Variants in ZC2HC1A observed in about 807,000 individuals in gnomAD.
The protein encoded by ZC2HC1A is zinc finger C2HC domain-containing protein 1A.
ZC2HC1A carries 28 observed loss-of-function variants against 40.7 expected under a neutral mutation model. The observed-to-expected ratio is 0.69, with a 90% CI of 0.51 to 0.94. The LOEUF is 0.94. Ranked by LOEUF, ZC2HC1A falls within the 40% of genes least tolerant of loss-of-function variation. ZC2HC1A has a pLI of 0.00. For synonymous variants in ZC2HC1A, 129 were observed against 129.2 expected (o/e 1.00, Z 0.01); for missense variants, 389 against 386.3 (o/e 1.01, Z -0.06).
At chr8:78,703,133 G>A (rs1028932782) in intron 7 of ZC2HC1A, among the ~76,000 whole-genome samples, 6 of 152,132 alleles carry the variant, frequency 3.9e-5, no homozygotes, top group African/African-American at 1.4e-4. Context: ...CTAACCTCAG[G>A]TCATCTGCCT....
chr8:78,674,100 A>G (rs920442167), intron 1 of ZC2HC1A, among the ~76,000 whole-genome samples: 3 of 152,078 alleles, frequency 2.0e-5, no homozygotes, highest in Admixed American at 6.6e-5. Context: ...TCTTAGATCT[A>G]TTTAATAAGT....
At chr8:78,687,289 G>A (rs1810014957) in intron 4 of ZC2HC1A, among the ~76,000 whole-genome samples, 1 of 151,324 alleles carries the variant, frequency 6.6e-6, no homozygotes, top group Admixed American at 6.6e-5. Context: ...CTCTAGATTG[G>A]GATTTATTTT....
intron 1 of ZC2HC1A, among the ~76,000 whole-genome samples, chr8:78,673,012 A>G (rs920053060): frequency 1.2e-4 from 18 of 151,948 alleles, no homozygotes; most frequent in Non-Finnish European, 2.5e-4. Flanking sequence ...CCTGTCATCT[A>G]GGTTTTAAGC....
intron 7 of ZC2HC1A, among the ~76,000 whole-genome samples, chr8:78,704,387 C>CAAA (rs1307275741): frequency 3.7e-4 from 24 of 65,246 alleles, no homozygotes; most frequent in Non-Finnish European, 4.2e-4. Context: ...GACTCCATCT[C>CAAA]AAAAAAAAAA....
chr8:78,675,895 T>G (rs746696350), intron 2 of ZC2HC1A, 32 bp downstream of exon 2: 8 of 1,558,878 alleles, frequency 5.1e-6, no homozygotes, highest in Non-Finnish European at 4.4e-6. Flanking sequence ...CTTTATGGTT[T>G]TACAGATCTG....
At chr8:78,690,321 A>G (rs962422351) in intron 5 of ZC2HC1A, among the ~76,000 whole-genome samples, 1 of 152,162 alleles carries the variant, frequency 6.6e-6, no homozygotes, top group Non-Finnish European at 1.5e-5. Context: ...GCACTTTGGG[A>G]GGCCAAGGCG....
chr8:78,680,652 A>G (rs1189139849), intron 3 of ZC2HC1A, among the ~76,000 whole-genome samples: 2 of 152,214 alleles, frequency 1.3e-5, no homozygotes, highest in African/African-American at 2.4e-5. Context: ...AGGTAGGCAT[A>G]ATTCATAGAT....
At chr8:78,710,129 G>A (rs537703623) in intron 7 of ZC2HC1A, among the ~76,000 whole-genome samples, 3 of 152,186 alleles carry the variant, frequency 2.0e-5, no homozygotes, top group East Asian at 1.9e-4. Context: ...GAAGGCCTGT[G>A]AAAGTATTAT....
intron 4 of ZC2HC1A, among the ~76,000 whole-genome samples, chr8:78,688,064 A>G (rs1810084124): frequency 6.6e-6 from 1 of 150,540 alleles, no homozygotes; most frequent in Non-Finnish European, 1.5e-5. Context: ...GGCAGGCTGG[A>G]TTTGGCCCAT....
At chr8:78,706,806 T>A (rs1259312393) in intron 7 of ZC2HC1A, among the ~76,000 whole-genome samples, 1 of 152,288 alleles carries the variant, frequency 6.6e-6, no homozygotes, top group African/African-American at 2.4e-5. Flanking sequence ...GTAACTACAT[T>A]TTGCTTCTCA....
intron 5 of ZC2HC1A, among the ~76,000 whole-genome samples, chr8:78,690,194 A>C (rs1182860580): frequency 6.6e-6 from 1 of 152,002 alleles, no homozygotes; most frequent in Non-Finnish European, 1.5e-5. Context: ...CATTATCACT[A>C]TACTGAATAG....
intron 5 of ZC2HC1A, among the ~76,000 whole-genome samples, chr8:78,691,950 G>C (rs568919457): frequency 6.6e-6 from 1 of 152,218 alleles, no homozygotes; most frequent in African/African-American, 2.4e-5. Flanking sequence ...GGTACAAAGT[G>C]ATACCATGAT....
rs867344586 is a variant in ZC2HC1A at position 78,675,773 on chromosome 8, C to T, written c.17-14C>T. The T allele has an allele frequency of 3.8e-6, 6 of 1,584,306 alleles. No homozygotes were observed. Among genetic ancestry groups the T allele is most frequent in the Admixed American group, 1.7e-5 (1 of 57,416 alleles). On this transcript the variant is annotated splice_polypyrimidine_tract_variant and intron_variant, in intron 1 of 8. Coordinates refer to ENST00000263849, the MANE Select transcript of ZC2HC1A (RefSeq NM_016010.3). ...AGTTATATAAATTATTTATTAAATT[C>T]CTTCCTGTTTTAGAGAATGGAGGTG...
At chr8:78,714,001 ACT>A (rs778305975) in intron 7 of ZC2HC1A, among the ~76,000 whole-genome samples, 1 of 152,096 alleles carries the variant, frequency 6.6e-6, no homozygotes, top group Non-Finnish European at 1.5e-5. Context: ...ATTTTAGGGT[ACT>A]CTCTCCTACT....
chr8:78,669,422 G>A (rs1809381677), intron 1 of ZC2HC1A, among the ~76,000 whole-genome samples: 1 of 152,194 alleles, frequency 6.6e-6, no homozygotes. Flanking sequence ...CTCTCAGTGT[G>A]TGTTTGTTAG....
At chr8:78,697,330 G>T in intron 5 of ZC2HC1A, 77 bp from the exon 6 acceptor site, 2 of 1,180,672 alleles carry the variant, frequency 1.7e-6, no homozygotes, top group East Asian at 2.6e-5. Context: ...CCCAAAGAAT[G>T]TTAAGTTTTG....
chr8:78,675,349 C>A (rs1422210858), intron 1 of ZC2HC1A, among the ~76,000 whole-genome samples: 1 of 151,762 alleles, frequency 6.6e-6, no homozygotes, highest in Non-Finnish European at 1.5e-5. Context: ...GAGTAAGATT[C>A]GTTTTATTCT....
At chr8:78,700,629 A>G (rs1586016163) in intron 7 of ZC2HC1A, among the ~76,000 whole-genome samples, 1 of 152,094 alleles carries the variant, frequency 6.6e-6, no homozygotes, top group Non-Finnish European at 1.5e-5. Context: ...CAGGGTTTTT[A>G]TAGTTTTTGG....
Position 78,686,581 on chromosome 8 carries a change from C to T in ZC2HC1A, c.325C>T (p.Pro109Ser), listed in dbSNP as rs770664830. 1.3e-6 allele frequency: 2 copies of T among 1,532,892 alleles called. No individual in the cohort carries two copies. The highest frequency in any genetic ancestry group is 2.7e-5 in the South Asian group (2 of 74,624). The allele number at this position is 1,532,892 out of a possible 1,614,324, so 95.0% of individuals were successfully genotyped here. A position where few individuals can be genotyped will look rare whatever the true frequency, so the allele number is the denominator to read the frequency against. The change falls in exon 4 of 9, where the codon CCT becomes TCT. Residue 109 changes from proline to serine, a missense_variant. By Grantham distance (74) the Pro-to-Ser change is moderately conservative. Coordinates refer to ENST00000263849, the MANE Select transcript of ZC2HC1A (RefSeq NM_016010.3). ...CCTCAAAGAGGGTGGCAAACTTCCT[C>T]CTCCTCCTCCACCTTCTTATGATCC... ...QALKEGGKLPPPPPPSYDPDY... is the reference protein window; with the variant it reads ...QALKEGGKLPSPPPPSYDPDY...
Sources: allele counts gnomAD v4.1 joint callset (sites outside exome capture counted in the v4.1 genomes callset), GRCh38; gene constraint gnomAD v4.1.1; transcripts MANE v1.5; gene names NCBI Gene and HGNC (gene_info 2026-07-23, HGNC 2026-07-21).